FMN1: variants seen among roughly 807,000 people sequenced by gnomAD.
The protein encoded by FMN1 is formin 1.
FMN1 carries 110 observed loss-of-function variants against 132.4 expected under a neutral mutation model. The ratio of observed to expected loss-of-function variants is 0.83; its 90% CI spans 0.71 to 0.97. The LOEUF is 0.97. Ranked by LOEUF, FMN1 falls within the 50% of genes least tolerant of loss-of-function variation. FMN1 has a pLI of 0.00. For synonymous variants in FMN1, 722 were observed against 651.7 expected (o/e 1.11, Z -1.64); for missense variants, 1,792 against 1,705.3 (o/e 1.05, Z -0.90).
chr15:32,962,437 G>A (rs1253259384), intron 9 of FMN1, among the ~76,000 whole-genome samples: 1 of 151,864 alleles, frequency 6.6e-6, no homozygotes, highest in Non-Finnish European at 1.5e-5. Flanking sequence ...CATGGGCAAC[G>A]ACTTCATGTC....
At chr15:32,865,634 C>T (rs1395926212) in intron 16 of FMN1, among the ~76,000 whole-genome samples, 3 of 152,060 alleles carry the variant, frequency 2.0e-5, no homozygotes, top group Non-Finnish European at 4.4e-5. Flanking sequence ...GTTGGGAGTT[C>T]GAGACCAGCC....
chr15:33,068,874 C>T (rs566845864), intron 5 of FMN1, among the ~76,000 whole-genome samples: 7 of 152,334 alleles, frequency 4.6e-5, no homozygotes, highest in African/African-American at 1.7e-4. Flanking sequence ...TTACCCTCTA[C>T]ACTCCCTGTG....
At chr15:33,077,520 T>A (rs7171647) in intron 5 of FMN1, among the ~76,000 whole-genome samples, 1 of 151,196 alleles carries the variant, frequency 6.6e-6, no homozygotes, top group Non-Finnish European at 1.5e-5. Context: ...CCCCTTCCCC[T>A]GACTCCACAA....
At chr15:32,967,120 TATG>T (rs1269295134) in intron 8 of FMN1, among the ~76,000 whole-genome samples, 2 of 152,228 alleles carry the variant, frequency 1.3e-5, no homozygotes, top group Non-Finnish European at 2.9e-5. Flanking sequence ...GCCCTAGATT[TATG>T]ATGAAACCAG....
At chr15:33,110,543 A>G (rs1384522479) in intron 4 of FMN1, among the ~76,000 whole-genome samples, 1 of 152,060 alleles carries the variant, frequency 6.6e-6, no homozygotes, top group South Asian at 2.1e-4. Context: ...AAAATTCTGT[A>G]TTAACCAAGG....
intron 5 of FMN1, among the ~76,000 whole-genome samples, chr15:33,069,672 G>A (rs563838372): frequency 4.6e-5 from 7 of 152,036 alleles, no homozygotes; most frequent in Admixed American, 2.0e-4. Context: ...CAAAAGGAAC[G>A]CTCACACAAA....
intron 17 of FMN1, among the ~76,000 whole-genome samples, chr15:32,809,425 C>T (rs6494699): frequency 0.17 from 26,574 of 152,084 alleles, 2,427 homozygotes; most frequent in East Asian, 0.26. Flanking sequence ...CACTGGTTCC[C>T]CCTCTGAAGA....
rs2057378451 is a variant in FMN1 at position 32,798,786 on chromosome 15, T to C, written c.4130+18A>G. 1 of 1,603,740 alleles carries C rather than the reference T, an allele frequency of 6.2e-7. No homozygotes were observed. Among genetic ancestry groups the C allele is most frequent in the Non-Finnish European group, 8.5e-7 (1 of 1,174,714 alleles). ...TAGGCTCCTGAAGGAGGCATTAAAATCTTTTTTTGAACCTTACCTTTCTTT... is the reference window on the plus strand; with the variant it reads ...TAGGCTCCTGAAGGAGGCATTAAAACCTTTTTTTGAACCTTACCTTTCTTT... On this transcript the variant is annotated intron_variant, in intron 19 of 20. Coordinates refer to ENST00000616417, the MANE Select transcript of FMN1 (RefSeq NM_001277313.2).
At chr15:32,943,254 T>A (rs1031941757) in intron 9 of FMN1, among the ~76,000 whole-genome samples, 1 of 152,252 alleles carries the variant, frequency 6.6e-6, no homozygotes, top group Non-Finnish European at 1.5e-5. Flanking sequence ...TGATCTGGCC[T>A]TTCTTGGTAA....
intron 16 of FMN1, among the ~76,000 whole-genome samples, chr15:32,875,858 A>G (rs1160266790): frequency 6.6e-6 from 1 of 152,182 alleles, no homozygotes; most frequent in African/African-American, 2.4e-5. Flanking sequence ...ACCCAATACA[A>G]GCTCATGGTA....
At chr15:33,117,199 C>T (rs2039961052) in intron 4 of FMN1, among the ~76,000 whole-genome samples, 1 of 152,098 alleles carries the variant, frequency 6.6e-6, no homozygotes, top group South Asian at 2.1e-4. Flanking sequence ...AACCCCTACT[C>T]CAAAAGAGAG....
At chr15:33,091,866 T>C (rs979795297) in intron 4 of FMN1, among the ~76,000 whole-genome samples, 1 of 152,252 alleles carries the variant, frequency 6.6e-6, no homozygotes, top group Non-Finnish European at 1.5e-5. Flanking sequence ...TCAACTGTCA[T>C]TTAATTTTCC....
At chr15:32,851,645 ATTC>A (rs2059011167) in intron 17 of FMN1, among the ~76,000 whole-genome samples, 1 of 152,218 alleles carries the variant, frequency 6.6e-6, no homozygotes, top group South Asian at 2.1e-4. Flanking sequence ...ATTACATTCA[ATTC>A]TTCTCAGAAA....
chr15:32,891,396 C>T lies in FMN1; in HGVS notation c.3715-3104G>A, dbSNP rs745866329. Among the ~76,000 whole-genome samples, 6 of 152,282 alleles carry T rather than the reference C, an allele frequency of 3.9e-5. 1 individual carries two copies. Among genetic ancestry groups the T allele is most frequent in the South Asian group, 4.1e-4 (2 of 4,822 alleles). On this transcript the variant is annotated intron_variant, in intron 15 of 20. Transcript: ENST00000616417. ...CCAAGCAGCTGGGACCACAGGCACC[C>T]GCCACCACGCCCAGCTAATTTATTT... is the stretch of plus-strand genomic sequence containing the variant.
chr15:33,088,063 G>A (rs910310412), intron 5 of FMN1, among the ~76,000 whole-genome samples: 1 of 152,280 alleles, frequency 6.6e-6, no homozygotes, highest in South Asian at 2.1e-4. Flanking sequence ...TTGAGGGAAA[G>A]GGTTGGGGGA....
intron 17 of FMN1, 37 bp from the exon 18 acceptor site, chr15:32,804,369 C>G: frequency 1.5e-6 from 2 of 1,293,008 alleles, no homozygotes; most frequent in Non-Finnish European, 2.1e-6. Flanking sequence ...ATTTTTTCTT[C>G]TGTTGTCTCC....
chr15:33,019,451 G>T (rs951185983), intron 6 of FMN1, among the ~76,000 whole-genome samples: 1 of 152,248 alleles, frequency 6.6e-6, no homozygotes, highest in Non-Finnish European at 1.5e-5. Context: ...CGGGGCCGCA[G>T]GTGGAGCTGC....
At chr15:33,069,908 A>G (rs770404888) in intron 5 of FMN1, among the ~76,000 whole-genome samples, 6 of 150,062 alleles carry the variant, frequency 4.0e-5, no homozygotes, top group Non-Finnish European at 8.9e-5. Context: ...TAGAGGAAAT[A>G]CCCATTGATT....
chr15:32,896,479 G>A (rs1354320989), intron 15 of FMN1, among the ~76,000 whole-genome samples: 1 of 152,012 alleles, frequency 6.6e-6, no homozygotes, highest in Non-Finnish European at 1.5e-5. Context: ...AAATTTTTAA[G>A]TGTACAGTAT....
Sources: allele counts gnomAD v4.1 joint callset (sites outside exome capture counted in the v4.1 genomes callset), GRCh38; gene constraint gnomAD v4.1.1; transcripts MANE v1.5; gene names NCBI Gene and HGNC (gene_info 2026-07-23, HGNC 2026-07-21).